CEP83: variants seen among roughly 807,000 people sequenced by gnomAD.
CEP83 encodes centrosomal protein 83.
CEP83 carries 70 observed loss-of-function variants against 101.9 expected under a neutral mutation model. The observed-to-expected ratio is 0.69, with a 90% CI of 0.57 to 0.84. CEP83 has a LOEUF of 0.84. Ranked by LOEUF, CEP83 falls within the 40% of genes least tolerant of loss-of-function variation. The pLI is 0.00. For missense variants in CEP83, 715 were observed against 787.2 expected, an observed-to-expected ratio of 0.91 and a Z score of 1.10; for synonymous variants, 264 against 267.9, an observed-to-expected ratio of 0.99 and a Z score of 0.14.
At chr12:94,415,258 A>G (rs2064182612) in intron 2 of CEP83, among the ~76,000 whole-genome samples, 1 of 152,076 alleles carries the variant, frequency 6.6e-6, no homozygotes, top group Non-Finnish European at 1.5e-5. Context: ...AAAAAAAGGG[A>G]AGTAAATTTT....
At chr12:94,280,147 C>G in the CEP83 span, 1 of 265,120 alleles carries the variant, frequency 3.8e-6, no homozygotes, top group South Asian at 3.9e-5. Flanking sequence ...ATGCTCCGTC[C>G]TCCCTCAGTG....
intron 1 of CEP83, among the ~76,000 whole-genome samples, chr12:94,452,413 T>G (rs2067326350): frequency 6.6e-6 from 1 of 152,128 alleles, no homozygotes; most frequent in South Asian, 2.1e-4. Flanking sequence ...TTTGGAAAAT[T>G]TGTTGATAGT....
At chr12:94,355,418 A>T (rs2060416116) in intron 11 of CEP83, among the ~76,000 whole-genome samples, 1 of 152,052 alleles carries the variant, frequency 6.6e-6, no homozygotes, top group Non-Finnish European at 1.5e-5. Context: ...GCGTGAACCC[A>T]GGAGGCAGAG....
At chr12:94,273,034 C>T in the CEP83 span, among the ~76,000 whole-genome samples, 1 of 152,176 alleles carries the variant, frequency 6.6e-6, no homozygotes, top group Non-Finnish European at 1.5e-5. Context: ...CTCCCACCGG[C>T]TCCATGATTT....
At chr12:94,321,432 C>T (rs954697258) in intron 14 of CEP83, among the ~76,000 whole-genome samples, 27 of 152,132 alleles carry the variant, frequency 1.8e-4, no homozygotes, top group African/African-American at 3.1e-4. Context: ...TTTGACACTC[C>T]GACCATCTGT....
intron 2 of CEP83, among the ~76,000 whole-genome samples, chr12:94,433,397 G>A (rs1370590731): frequency 6.6e-6 from 1 of 152,070 alleles, no homozygotes; most frequent in Non-Finnish European, 1.5e-5. Context: ...AAATTAATTT[G>A]AAGCCAGGCG....
chr12:94,349,803 C>T (rs2060119267), intron 11 of CEP83, among the ~76,000 whole-genome samples: 2 of 152,104 alleles, frequency 1.3e-5, no homozygotes, highest in South Asian at 2.1e-4. Flanking sequence ...ATGAATTCAG[C>T]AAAGTAGCTG....
At chr12:94,456,774 TG>T (rs1250213476) in intron 1 of CEP83, among the ~76,000 whole-genome samples, 117 of 152,272 alleles carry the variant, frequency 7.7e-4, no homozygotes, top group African/African-American at 2.8e-3. Flanking sequence ...TAATTCAAGG[TG>T]AGATTTGGGT....
chr12:94,336,641 C>T (rs1593232580), intron 11 of CEP83, among the ~76,000 whole-genome samples: 1 of 152,176 alleles, frequency 6.6e-6, no homozygotes, highest in East Asian at 1.9e-4. Flanking sequence ...TGACCCATTG[C>T]TTCCTGAGAC....
At chr12:94,286,744 C>T in the CEP83 span, among the ~76,000 whole-genome samples, 289 of 152,058 alleles carry the variant, frequency 1.9e-3, 5 homozygotes, top group East Asian at 0.038. Context: ...TCTGTAGTGA[C>T]GGCCAGTTCC....
intron 14 of CEP83, among the ~76,000 whole-genome samples, chr12:94,321,638 C>T (rs1444512854): frequency 6.6e-6 from 1 of 152,144 alleles, no homozygotes. Flanking sequence ...ACAGTCTGGC[C>T]ACTTTTCTGA....
intron 1 of CEP83, among the ~76,000 whole-genome samples, chr12:94,453,139 C>A (rs1173405694): frequency 6.6e-6 from 1 of 152,144 alleles, no homozygotes; most frequent in African/African-American, 2.4e-5. Context: ...CAAAACGTTA[C>A]CCTACTCTGG....
intron 1 of CEP83, among the ~76,000 whole-genome samples, chr12:94,457,027 G>T (rs909318963): frequency 7.2e-5 from 11 of 152,138 alleles, no homozygotes; most frequent in African/African-American, 2.7e-4. Context: ...TGGTGGAGTT[G>T]AACCTTATAG....
intron 6 of CEP83, among the ~76,000 whole-genome samples, chr12:94,392,720 T>A (rs2062629861): frequency 1.3e-5 from 2 of 152,106 alleles, no homozygotes; most frequent in South Asian, 4.2e-4. Flanking sequence ...TTTGAAAAGA[T>A]CAACAAAATT....
At chr12:94,397,113 C>T (rs1182825646) in intron 6 of CEP83, among the ~76,000 whole-genome samples, 1 of 152,298 alleles carries the variant, frequency 6.6e-6, no homozygotes, top group Non-Finnish European at 1.5e-5. Flanking sequence ...AAAGAAACTT[C>T]AGTCTTATTT....
intron 7 of CEP83, among the ~76,000 whole-genome samples, chr12:94,378,476 C>T (rs1444667137): frequency 6.6e-6 from 1 of 152,088 alleles, no homozygotes; most frequent in Non-Finnish European, 1.5e-5. Context: ...TTTGAGATGA[C>T]TTTACGCTCA....
At chr12:94,327,802 G>C (rs1281835807) in intron 14 of CEP83, among the ~76,000 whole-genome samples, 2 of 152,104 alleles carry the variant, frequency 1.3e-5, no homozygotes, top group Non-Finnish European at 2.9e-5. Context: ...CTCACTTTAA[G>C]TTTACTATAA....
chr12:94,387,585 G>T (rs945631817), intron 6 of CEP83, among the ~76,000 whole-genome samples: 1 of 152,112 alleles, frequency 6.6e-6, no homozygotes, highest in African/African-American at 2.4e-5. Flanking sequence ...TGATAACTGG[G>T]ACCTAATTAA....
intron 11 of CEP83, among the ~76,000 whole-genome samples, chr12:94,342,693 T>C (rs1369567976): frequency 6.6e-6 from 1 of 151,722 alleles, no homozygotes; most frequent in Non-Finnish European, 1.5e-5. Context: ...GCAAAACGAT[T>C]CAGAAAATTT....
Sources: gnomAD v4.1 joint callset for allele counts (sites outside exome capture counted in the v4.1 genomes callset) on GRCh38, gnomAD v4.1.1 for gene constraint, MANE v1.5 for transcripts, NCBI Gene and HGNC (gene_info 2026-07-23, HGNC 2026-07-21) for gene names.